Variants in CAMK4 observed in about 807,000 individuals in gnomAD.
CAMK4 encodes calcium/calmodulin-dependent protein kinase type IV.
In CAMK4, 22 loss-of-function variants were observed where a neutral mutation model predicts 44.9. That is an observed-to-expected ratio of 0.49 (90% CI 0.35 to 0.70). CAMK4 has a LOEUF of 0.70. Ranked by LOEUF, CAMK4 falls within the 30% of genes least tolerant of loss-of-function variation. The pLI, the probability that CAMK4 is intolerant of heterozygous loss-of-function variation, is 0.01. For missense variants in CAMK4, 498 were observed against 586.8 expected (o/e 0.85, Z 1.56); for synonymous variants, 218 against 215.4 (o/e 1.01, Z -0.11).
intron 6 of CAMK4, among the ~76,000 whole-genome samples, chr5:111,448,194 T>A (rs1409082267): frequency 2.6e-5 from 4 of 152,204 alleles, no homozygotes; most frequent in Admixed American, 6.5e-5. Context: ...CTTTCGATAA[T>A]CTTTTACCTA....
upstream of CAMK4, chr5:111,224,326 C>A: frequency 9.0e-7 from 1 of 1,106,250 alleles, no homozygotes; most frequent in Non-Finnish European, 1.2e-6. The surrounding 1 kb of genome is among the most constrained non-coding windows in gnomAD (Gnocchi z 5.7). Context: ...CCCCGCCCAC[C>A]GTCCCTGCGA....
intron 1 of CAMK4, among the ~76,000 whole-genome samples, chr5:111,273,700 T>TAC (rs1750624296): frequency 3.1e-5 from 2 of 63,504 alleles, no homozygotes; most frequent in South Asian, 6.5e-4. Context: ...TATATATATA[T>TAC]ATATATATAT....
At chr5:111,432,051 C>A (rs1450460264) in intron 5 of CAMK4, among the ~76,000 whole-genome samples, 1 of 152,256 alleles carries the variant, frequency 6.6e-6, no homozygotes, top group East Asian at 1.9e-4. Context: ...GATATCTGCA[C>A]TCCCATGTTT....
intron 7 of CAMK4, among the ~76,000 whole-genome samples, chr5:111,452,216 T>C (rs1754262812): frequency 1.3e-5 from 2 of 152,186 alleles, no homozygotes; most frequent in Admixed American, 1.3e-4. Flanking sequence ...AGGTGCTGTT[T>C]GTCACTTTGT....
At chr5:111,454,983 GT>G (rs1451568905) in intron 7 of CAMK4, among the ~76,000 whole-genome samples, 1 of 152,158 alleles carries the variant, frequency 6.6e-6, no homozygotes, top group East Asian at 1.9e-4. Context: ...GCTGTTAGGA[GT>G]TTGTTTTCTT....
chr5:111,480,967 AC>A (rs1755415592), intron 9 of CAMK4, among the ~76,000 whole-genome samples: 1 of 152,066 alleles, frequency 6.6e-6, no homozygotes, highest in Non-Finnish European at 1.5e-5. Context: ...TACTAGCAAA[AC>A]CCACATCTGT....
intron 1 of CAMK4, among the ~76,000 whole-genome samples, chr5:111,289,047 T>C (rs1278252759): frequency 6.6e-6 from 1 of 152,286 alleles, no homozygotes; most frequent in Middle Eastern, 3.4e-3. Context: ...GGAGAGGAGA[T>C]GTTGAAATAC....
intron 1 of CAMK4, among the ~76,000 whole-genome samples, chr5:111,259,212 G>A (rs1017483178): frequency 2.0e-5 from 3 of 152,276 alleles, no homozygotes; most frequent in Non-Finnish European, 1.5e-5. Context: ...TACATTTAAT[G>A]TTAATCTCTG....
intron 1 of CAMK4, among the ~76,000 whole-genome samples, chr5:111,325,796 A>G (rs565459997): frequency 2.6e-5 from 4 of 152,138 alleles, no homozygotes; most frequent in Admixed American, 2.0e-4. Flanking sequence ...AGATGGACAG[A>G]TTGCAAAACT....
intron 8 of CAMK4, among the ~76,000 whole-genome samples, chr5:111,475,333 G>C (rs964425819): frequency 6.6e-6 from 1 of 152,094 alleles, no homozygotes; most frequent in Non-Finnish European, 1.5e-5. Context: ...AAATGTACTG[G>C]GAGGCATTAA....
At chr5:111,417,460 C>T (rs1274328980) in intron 5 of CAMK4, among the ~76,000 whole-genome samples, 1 of 152,054 alleles carries the variant, frequency 6.6e-6, no homozygotes, top group Non-Finnish European at 1.5e-5. Flanking sequence ...AAGTGATCCA[C>T]CCGTCTTGGC....
chr5:111,423,100 G>A (rs1172885048), intron 5 of CAMK4, among the ~76,000 whole-genome samples: 1 of 152,168 alleles, frequency 6.6e-6, no homozygotes, highest in Non-Finnish European at 1.5e-5. Flanking sequence ...CATTTTGAGT[G>A]CTGGGAATAT....
Position 111,484,322 on chromosome 5 carries a change from G to A in CAMK4, c.1278G>A (p.Lys426=). 1.2e-6 allele frequency: 2 copies of A among 1,614,016 alleles called. No individual in the cohort carries two copies. The highest frequency in any genetic ancestry group is 2.2e-5 in the South Asian group (2 of 91,058). ...CCAAGGCAGTGGAGGATGGGATAAA[G>A]GTGGCTGACCTGGAACTAGAGGAGG... The part of the protein sequence containing the change: ...MVPKAVEDGI[K]VADLELEEGL... Residue 426 remains lysine (K), a synonymous_variant, in exon 11 of 11, where the codon AAG becomes AAA. Transcript: ENST00000282356. The surrounding 1 kb of genome is among the most constrained non-coding windows in gnomAD (Gnocchi z 5.3).
intron 1 of CAMK4, among the ~76,000 whole-genome samples, chr5:111,244,600 C>T (rs979365638): frequency 1.9e-4 from 29 of 152,200 alleles, no homozygotes; most frequent in African/African-American, 6.0e-4. Context: ...CAGTGGCACA[C>T]GCCTGTAATC....
intron 1 of CAMK4, among the ~76,000 whole-genome samples, chr5:111,286,710 A>C (rs1005943979): frequency 8.5e-5 from 13 of 152,254 alleles, no homozygotes; most frequent in Admixed American, 7.8e-4. Context: ...TAATATTATA[A>C]ATATATTTTT....
intron 5 of CAMK4, among the ~76,000 whole-genome samples, chr5:111,415,613 C>A (rs1018058587): frequency 6.6e-6 from 1 of 152,146 alleles, no homozygotes; most frequent in African/African-American, 2.4e-5. Flanking sequence ...TCCATGGTTT[C>A]AGGCATCTAC....
At chr5:111,443,400 T>C (rs1753916913) in intron 5 of CAMK4, among the ~76,000 whole-genome samples, 1 of 148,018 alleles carries the variant, frequency 6.8e-6, no homozygotes, top group Non-Finnish European at 1.5e-5. Flanking sequence ...ATAATCTTTC[T>C]ACACCAAGTA....
intron 2 of CAMK4, among the ~76,000 whole-genome samples, chr5:111,354,974 T>C (rs915702302): frequency 1.3e-5 from 2 of 152,274 alleles, no homozygotes; most frequent in East Asian, 3.9e-4. Flanking sequence ...GAGGGATGGA[T>C]GGTTCAATCT....
At chr5:111,438,019 C>A (rs1458913291) in intron 5 of CAMK4, among the ~76,000 whole-genome samples, 7 of 152,066 alleles carry the variant, frequency 4.6e-5, no homozygotes, top group Non-Finnish European at 8.8e-5. Flanking sequence ...AGAGACAGGG[C>A]CATTCTGGAG....
Sources: allele counts gnomAD v4.1 joint callset (sites outside exome capture counted in the v4.1 genomes callset), GRCh38; gene constraint gnomAD v4.1.1; non-coding constraint Gnocchi (gnomAD v3.1); transcripts MANE v1.5; gene names NCBI Gene and HGNC (gene_info 2026-07-23, HGNC 2026-07-21).